The following LIPJ variants were observed in gnomAD, a reference collection of about 807,000 sequenced individuals.
The protein encoded by LIPJ is lipase family member J.
LIPJ carries 33 observed loss-of-function variants against 39.8 expected under a neutral mutation model. That is an observed-to-expected ratio of 0.83 (90% CI 0.63 to 1.11). The LOEUF (loss-of-function observed/expected upper bound fraction) is 1.11, where lower values mean the gene tolerates loss of function less well. Among genes scored for constraint, LIPJ ranks in the 50% least tolerant of loss-of-function variants. The probability of loss-of-function intolerance (pLI) is 0.00; values close to 1 mark genes in which losing one functional copy is unlikely to be tolerated. For synonymous variants in LIPJ, 128 were observed against 139.2 expected (o/e 0.92, Z 0.57); for missense variants, 422 against 427.9 (o/e 0.99, Z 0.12).
chr10:88,608,090 C>G (rs1278776616), downstream of LIPJ, among the ~76,000 whole-genome samples: 1 of 152,162 alleles, frequency 6.6e-6, no homozygotes, highest in Admixed American at 6.5e-5. Flanking sequence ...AACTAGTTAA[C>G]CATAGCCTAA....
intron 4 of LIPJ, chr10:88,593,068 C>T (rs1851135260): frequency 6.6e-6 from 1 of 151,916 alleles, no homozygotes; most frequent in Non-Finnish European, 1.5e-5. Context: ...GAAAAGATGA[C>T]TCAGTGGATC....
intron 10 of LIPJ, among the ~76,000 whole-genome samples, chr10:88,605,982 T>C (rs909099027): frequency 2.6e-5 from 4 of 152,184 alleles, no homozygotes; most frequent in Non-Finnish European, 5.9e-5. Context: ...AATACTGCGT[T>C]TTTTATATCC....
chr10:88,596,813 C>G (rs1851268953), exon 8 of LIPJ: 2 of 1,602,092 alleles, frequency 1.2e-6, no homozygotes, highest in Non-Finnish European at 1.7e-6. Context: ...ACAAAGACTT[C>G]TTGCCTAAAA....
At chr10:88,620,522 A>T in the LIPJ span, among the ~76,000 whole-genome samples, 22 of 152,186 alleles carry the variant, frequency 1.4e-4, no homozygotes, top group African/African-American at 5.3e-4. Context: ...ACTAAAGAAG[A>T]TATATAGATG....
chr10:88,591,086 TA>T (rs1851064576), intron 3 of LIPJ, among the ~76,000 whole-genome samples: 1 of 151,772 alleles, frequency 6.6e-6, no homozygotes, highest in Non-Finnish European at 1.5e-5. Context: ...GAGAGACTAG[TA>T]GTTAAAAAAG....
the LIPJ span, among the ~76,000 whole-genome samples, chr10:88,623,059 A>G: frequency 1.3e-5 from 2 of 152,190 alleles, no homozygotes; most frequent in African/African-American, 4.8e-5. Context: ...AAACCATTCT[A>G]TACCTCTAAG....
upstream of LIPJ, chr10:88,582,973 A>G: frequency 2.2e-6 from 3 of 1,356,912 alleles, no homozygotes; most frequent in Admixed American, 2.3e-5. Context: ...CTGAGGGTAT[A>G]GCGTTTTCGC....
In LIPJ at chr10:88,605,458, T is replaced by G. The variant is rs139121523; in HGVS notation, c.796-175T>G. 6.4e-4 allele frequency among the ~76,000 whole-genome samples: 98 copies of G among 152,236 alleles called. 1 individual carries two copies. The highest frequency in any genetic ancestry group is 2.2e-3 in the African/African-American group (93 of 41,544). The stretch of plus-strand genomic sequence containing the variant: ...TTCTTTAGATTCCCCTGCCCCCATC[T>G]CCAACCCCTTCCATTTATTTCCCTA... On this transcript the variant is annotated intron_variant, in intron 9 of 10. Coordinates refer to ENST00000371939, the Ensembl canonical transcript of LIPJ.
intron 1 of LIPJ, 93 bp downstream of exon 1, chr10:88,586,938 T>G (rs1438097536): frequency 1.3e-5 from 2 of 152,186 alleles, no homozygotes; most frequent in African/African-American, 4.8e-5. Flanking sequence ...TAACAATACT[T>G]TTAAGACTGT....
the LIPJ span, among the ~76,000 whole-genome samples, chr10:88,616,506 C>T: frequency 7.9e-5 from 12 of 152,236 alleles, no homozygotes; most frequent in African/African-American, 1.9e-4. Context: ...CGCCCTTAAC[C>T]GCACCTAGAG....
At chr10:88,586,889 A>G (rs1850932331) in intron 1 of LIPJ, 44 bp downstream of exon 1, 2 of 152,104 alleles carry the variant, frequency 1.3e-5, no homozygotes, top group East Asian at 1.9e-4. Context: ...ACTTCTTTTC[A>G]TGTGTTCATT....
intron 5 of LIPJ, chr10:88,594,432 C>G: frequency 6.5e-6 from 3 of 464,572 alleles, no homozygotes; most frequent in Non-Finnish European, 1.1e-5. Context: ...TTTTGTCTAC[C>G]CTACTCTATT....
Position 88,603,071 on chromosome 10 carries a change from G to T in LIPJ, c.795+424G>T, listed in dbSNP as rs113751567. Among the ~76,000 whole-genome samples, 5 of 152,288 alleles carry T rather than the reference G, an allele frequency of 3.3e-5. No homozygotes were observed. In the South Asian group the frequency reaches 1.0e-3, roughly 32 times the overall value. ...TGTACTGCTGCACTCCAGCCTGGGT[G>T]ACAGAGTAAGACTCTGTCTCAATAA... is the stretch of plus-strand genomic sequence containing the variant. On this transcript the variant is annotated intron_variant, in intron 9 of 10. Coordinates refer to ENST00000371939, the Ensembl canonical transcript of LIPJ.
chr10:88,590,430 A>G (rs1056125744), intron 2 of LIPJ, among the ~76,000 whole-genome samples, 155 bp from the exon 3 acceptor site: 2 of 151,812 alleles, frequency 1.3e-5, no homozygotes, highest in Admixed American at 1.3e-4. Context: ...TATACATTTT[A>G]TGGTTTTAGC....
At chr10:88,615,651 AC>A in the LIPJ span, among the ~76,000 whole-genome samples, 7,549 of 97,538 alleles carry the variant, frequency 0.077, 761 homozygotes, top group East Asian at 0.15. Context: ...AAAAAAAAAA[AC>A]AGAAAGAAAT....
At chr10:88,591,708 G>C in intron 4 of LIPJ, 1 of 324,062 alleles carries the variant, frequency 3.1e-6, no homozygotes, top group South Asian at 9.3e-5. Context: ...AACACAAGCT[G>C]TTCTTCCCAG....
chr10:88,583,212 G>A (rs1590067303), upstream of LIPJ: 1 of 1,612,820 alleles, frequency 6.2e-7, no homozygotes, highest in African/African-American at 1.3e-5. Context: ...GCAGCGATCC[G>A]CGCTGAGTCT....
upstream of LIPJ, chr10:88,583,617 T>A (rs2134526626): frequency 1.0e-6 from 1 of 991,164 alleles, no homozygotes; most frequent in South Asian, 4.6e-5. Context: ...ATTCTAGATT[T>A]GAAAGTGGGA....
In LIPJ at chr10:88,602,617, A is replaced by T. The variant is rs1851533655; in HGVS notation, c.765A>T (p.Thr255=). 7.5e-6 allele frequency: 12 copies of T among 1,591,534 alleles called. No individual in the cohort carries two copies. In the South Asian group the frequency reaches 1.0e-4, roughly 14 times the overall value. Reference sequence around the variant, plus strand: ...ATTTTTCACACAACCCAGCAGGAACATCTGTTCAAAATATGCTTCATTGGA... The same window carrying T: ...ATTTTTCACACAACCCAGCAGGAACTTCTGTTCAAAATATGCTTCATTGGA... The change falls in exon 9 of 11, where the codon ACA becomes ACT. Residue 255 remains threonine, a synonymous_variant. Coordinates refer to ENST00000371939, the Ensembl canonical transcript of LIPJ.
Sources: allele counts gnomAD v4.1 joint callset (sites outside exome capture counted in the v4.1 genomes callset), GRCh38; gene constraint gnomAD v4.1.1; transcripts MANE v1.5; gene names NCBI Gene and HGNC (gene_info 2026-07-23, HGNC 2026-07-21).